SLC25A40: variants seen among roughly 807,000 people sequenced by gnomAD.
SLC25A40 encodes solute carrier family 25 member 40, also known as mitochondrial glutathione transporter SLC25A40.
In SLC25A40, 41 loss-of-function variants were observed where a neutral mutation model predicts 46.5. The observed-to-expected ratio is 0.88, with a 90% CI of 0.69 to 1.14. SLC25A40 has a LOEUF of 1.14. Ranked by LOEUF, SLC25A40 falls within the 50% of genes most tolerant of loss-of-function variation. SLC25A40 has a pLI of 0.00. For missense variants in SLC25A40, 386 were observed against 393.6 expected (o/e 0.98, Z 0.16); for synonymous variants, 126 against 127.5 (o/e 0.99, Z 0.08).
chr7:87,841,295 A>G (rs555253164), intron 10 of SLC25A40, among the ~76,000 whole-genome samples: 5 of 151,702 alleles, frequency 3.3e-5, no homozygotes, highest in Non-Finnish European at 5.9e-5. Context: ...AAGGACAATA[A>G]AAATAATAAT....
intron 7 of SLC25A40, 61 bp from the exon 8 acceptor site, chr7:87,847,183 T>C: frequency 8.4e-7 from 1 of 1,197,196 alleles, no homozygotes; most frequent in Non-Finnish European, 1.1e-6. Context: ...TGCAAACACA[T>C]ATACTGTAAA....
At chr7:87,851,652 A>G (rs894945120) in intron 5 of SLC25A40, among the ~76,000 whole-genome samples, 3 of 152,208 alleles carry the variant, frequency 2.0e-5, no homozygotes, top group African/African-American at 7.2e-5. Flanking sequence ...AGTGGAAACC[A>G]TATAGAAAGC....
chr7:87,861,165 C>A (rs926691706), intron 1 of SLC25A40, among the ~76,000 whole-genome samples: 1 of 152,130 alleles, frequency 6.6e-6, no homozygotes, highest in Non-Finnish European at 1.5e-5. Flanking sequence ...ACTCTTTTAG[C>A]CTACAAGACT....
intron 1 of SLC25A40, among the ~76,000 whole-genome samples, chr7:87,866,672 G>C (rs574795259): frequency 1.3e-5 from 2 of 152,286 alleles, no homozygotes; most frequent in African/African-American, 4.8e-5. Context: ...AGGTTGCTCA[G>C]GGAGATAACA....
chr7:87,850,156 G>A (rs1358257767), intron 5 of SLC25A40, among the ~76,000 whole-genome samples: 2 of 152,038 alleles, frequency 1.3e-5, no homozygotes, highest in African/African-American at 4.8e-5. Flanking sequence ...ACTTCTTACA[G>A]AATGAAGTCT....
At chr7:87,847,227 TTA>T in intron 7 of SLC25A40, 105 bp from the exon 8 acceptor site, 1 of 909,566 alleles carries the variant, frequency 1.1e-6, no homozygotes, top group East Asian at 3.0e-5. Context: ...TTTTAAACTT[TTA>T]GTCTATAATG....
chr7:87,866,039 T>C (rs896185486), intron 1 of SLC25A40, among the ~76,000 whole-genome samples: 5 of 151,512 alleles, frequency 3.3e-5, no homozygotes, highest in South Asian at 2.1e-4. Context: ...GCTGAGATCA[T>C]GCCACTGTAC....
intron 1 of SLC25A40, among the ~76,000 whole-genome samples, chr7:87,875,133 T>C (rs1475646371): frequency 6.6e-6 from 1 of 152,254 alleles, no homozygotes; most frequent in Non-Finnish European, 1.5e-5. Context: ...TGCCCCATGA[T>C]TGACATCAAT....
At chr7:87,857,807 T>G (rs1309392308) in intron 3 of SLC25A40, among the ~76,000 whole-genome samples, 1 of 152,150 alleles carries the variant, frequency 6.6e-6, no homozygotes, top group East Asian at 1.9e-4. Flanking sequence ...TAACAGCGAT[T>G]TTAGGGAACA....
chr7:87,847,967 C>G lies in SLC25A40; in HGVS notation c.343G>C (p.Val115Leu), dbSNP rs755972538. 2 of 1,606,666 alleles carry G rather than the reference C, an allele frequency of 1.2e-6. No individual in the cohort carries two copies. Among genetic ancestry groups the G allele is most frequent in the East Asian group, 4.5e-5 (2 of 44,520 alleles). Residue 115 changes from valine to leucine, a missense_variant, in exon 7 of 12, where the codon GTT becomes CTT. Physicochemically the swap from Val to Leu is conservative, Grantham distance 32. Coordinates refer to ENST00000341119, the MANE Select transcript of SLC25A40 (RefSeq NM_018843.4). Reference sequence around the variant, plus strand: ...GTAAAATAAATAACTGTGGCAGGAACTGCCATCACTCTGTTAGATCACACA... The same window carrying G: ...GTAAAATAAATAACTGTGGCAGGAAGTGCCATCACTCTGTTAGATCACACA... Reference protein sequence around the residue: ...SGLPPTLVMAVPATVIYFTCY... With the variant: ...SGLPPTLVMALPATVIYFTCY...
chr7:87,867,152 T>C (rs929656354), intron 1 of SLC25A40, among the ~76,000 whole-genome samples: 1 of 152,278 alleles, frequency 6.6e-6, no homozygotes, highest in African/African-American at 2.4e-5. Context: ...TAGTTATATC[T>C]TTCTCAAGTT....
intron 7 of SLC25A40, 32 bp downstream of exon 7, chr7:87,847,821 A>C (rs748033146): frequency 3.8e-6 from 6 of 1,584,316 alleles, no homozygotes; most frequent in Middle Eastern, 4.0e-4. Flanking sequence ...TCTAAACAGA[A>C]ATCAAAATGA....
chr7:87,845,435 AT>A (rs1405084637), intron 8 of SLC25A40, among the ~76,000 whole-genome samples: 1 of 152,100 alleles, frequency 6.6e-6, no homozygotes, highest in African/African-American at 2.4e-5. Flanking sequence ...ATAGAACTCT[AT>A]TGTTAACTGC....
At chr7:87,862,821 A>G (rs2131016614) in intron 1 of SLC25A40, among the ~76,000 whole-genome samples, 1 of 152,312 alleles carries the variant, frequency 6.6e-6, no homozygotes, top group African/African-American at 2.4e-5. Flanking sequence ...ATGGCAGCAG[A>G]GAAGAGAACT....
chr7:87,866,283 T>C (rs1185591543), intron 1 of SLC25A40, among the ~76,000 whole-genome samples: 1 of 152,174 alleles, frequency 6.6e-6, no homozygotes, highest in African/African-American at 2.4e-5. Flanking sequence ...GCCTTCACAT[T>C]TCAAGGGTAT....
At chr7:87,856,386 G>A (rs1308907841) in intron 3 of SLC25A40, 35 bp from the exon 4 acceptor site, 2 of 1,506,310 alleles carry the variant, frequency 1.3e-6, no homozygotes, top group Admixed American at 1.7e-5. Context: ...TTAGCGAGTG[G>A]TATCTGTAAA....
At chr7:87,837,831 T>C (rs73706936) in intron 10 of SLC25A40, among the ~76,000 whole-genome samples, 2,093 of 151,450 alleles carry the variant, frequency 0.014, 53 homozygotes, top group African/African-American at 0.048. Context: ...AACAATCCTA[T>C]ACTGCCCTCT....
Position 87,836,139 on chromosome 7 carries a change from G to A in SLC25A40, c.*110C>T, listed in dbSNP as rs1448046143. 7.0e-6 allele frequency: 4 copies of A among 569,012 alleles called. No homozygotes were observed. The highest frequency in any genetic ancestry group is 4.0e-5 in the African/African-American group (2 of 49,742). The allele number at this position is 569,012 out of a possible 1,614,324, so 35.2% of individuals were successfully genotyped here. ...GCTGAAATTATTTATTTAAATTATA[G>A]GAAAGAAAGACATAAAATCATTGTG... is the stretch of plus-strand genomic sequence containing the variant. On this transcript the variant is annotated 3_prime_UTR_variant, in exon 12 of 12. Transcript: ENST00000341119.
chr7:87,862,936 C>T (rs1838730698), intron 1 of SLC25A40, among the ~76,000 whole-genome samples: 1 of 152,066 alleles, frequency 6.6e-6, no homozygotes, highest in African/African-American at 2.4e-5. Context: ...CAATTACCTC[C>T]CACCAGGTCT....
Sources: gnomAD v4.1 joint callset for allele counts (sites outside exome capture counted in the v4.1 genomes callset) on GRCh38, gnomAD v4.1.1 for gene constraint, MANE v1.5 for transcripts, NCBI Gene and HGNC (gene_info 2026-07-23, HGNC 2026-07-21) for gene names.